KLF12: variants seen among roughly 807,000 people sequenced by gnomAD.
KLF12 encodes Krueppel-like factor 12.
Under a neutral mutation model 37.8 loss-of-function variants are expected in KLF12, and 9 were observed. The observed-to-expected ratio is 0.24, with a 90% CI of 0.14 to 0.42. KLF12 has a LOEUF of 0.42. KLF12 is among the 10% of genes least tolerant of loss of function. The pLI, the probability that KLF12 is intolerant of heterozygous loss-of-function variation, is 1.00. For synonymous variants in KLF12, 208 were observed against 202.1 expected (o/e 1.03, Z -0.25); for missense variants, 411 against 516.0 (o/e 0.80, Z 1.97).
intron 4 of KLF12, among the ~76,000 whole-genome samples, chr13:73,840,515 T>C (rs905748865): frequency 1.8e-4 from 27 of 152,126 alleles, no homozygotes; most frequent in African/African-American, 6.3e-4. Context: ...TCAACCCCAC[T>C]GTGCTCATCT....
chr13:73,805,092 C>T (rs1456692327), intron 5 of KLF12, among the ~76,000 whole-genome samples: 1 of 152,156 alleles, frequency 6.6e-6, no homozygotes, highest in Non-Finnish European at 1.5e-5. Flanking sequence ...AATAAGTTGA[C>T]TCAGTGCCCT....
At chr13:74,233,818 A>G in the KLF12 span, among the ~76,000 whole-genome samples, 1 of 152,224 alleles carries the variant, frequency 6.6e-6, no homozygotes, top group Non-Finnish European at 1.5e-5. Flanking sequence ...AATAAATAAC[A>G]TGGTAATATT....
At chr13:73,760,393 T>C (rs1305530224) in intron 6 of KLF12, among the ~76,000 whole-genome samples, 1 of 152,130 alleles carries the variant, frequency 6.6e-6, no homozygotes, top group African/African-American at 2.4e-5. Context: ...CAATCATACC[T>C]CACTGTAGCC....
intron 6 of KLF12, among the ~76,000 whole-genome samples, chr13:73,718,712 G>T (rs1201815009): frequency 1.3e-5 from 2 of 152,180 alleles, no homozygotes; most frequent in African/African-American, 2.4e-5. Flanking sequence ...GGGCAACATG[G>T]TGAAACCCTG....
the KLF12 span, among the ~76,000 whole-genome samples, chr13:74,268,816 G>T: frequency 7.2e-5 from 11 of 152,326 alleles, no homozygotes; most frequent in East Asian, 1.3e-3. Context: ...ACCAGGCATT[G>T]TAACAAGTGT....
At chr13:73,860,136 C>CAG (rs988376331) in intron 3 of KLF12, among the ~76,000 whole-genome samples, 1 of 152,098 alleles carries the variant, frequency 6.6e-6, no homozygotes, top group African/African-American at 2.4e-5. Flanking sequence ...TGTCTCTCTT[C>CAG]AGTTTCTGAT....
At chr13:73,777,570 C>T (rs143366236) in intron 5 of KLF12, among the ~76,000 whole-genome samples, 12 of 151,956 alleles carry the variant, frequency 7.9e-5, no homozygotes, top group African/African-American at 1.4e-4. Flanking sequence ...TAGCCGGGCG[C>T]GGTGGCACAT....
intron 1 of KLF12, among the ~76,000 whole-genome samples, chr13:74,001,926 T>C (rs1277282683): frequency 1.3e-5 from 2 of 152,368 alleles, no homozygotes; most frequent in East Asian, 3.9e-4. Flanking sequence ...TAGGAAACTT[T>C]ATGTTCAATC....
chr13:74,070,666 G>C (rs1874180524), intron 1 of KLF12, among the ~76,000 whole-genome samples: 1 of 152,144 alleles, frequency 6.6e-6, no homozygotes, highest in African/African-American at 2.4e-5. Context: ...TTGACTTACA[G>C]AGATCTACTG....
intron 1 of KLF12, among the ~76,000 whole-genome samples, chr13:74,127,967 TC>T (rs1243182373): frequency 1.3e-5 from 2 of 152,186 alleles, no homozygotes; most frequent in South Asian, 2.1e-4. Context: ...TTAAGGGCAT[TC>T]TTTTTAATGA....
intron 2 of KLF12, among the ~76,000 whole-genome samples, chr13:73,970,799 C>T (rs1891312204): frequency 6.6e-6 from 1 of 152,104 alleles, no homozygotes; most frequent in Non-Finnish European, 1.5e-5. Flanking sequence ...TCAATGTACC[C>T]AAATAAATCG....
chr13:73,759,229 T>C (rs115522059), intron 6 of KLF12, among the ~76,000 whole-genome samples: 2,120 of 152,242 alleles, frequency 0.014, 41 homozygotes, highest in African/African-American at 0.047. Context: ...TGTGACTTAT[T>C]TGCCAACACG....
chr13:74,066,767 T>C (rs979180329), intron 1 of KLF12, among the ~76,000 whole-genome samples: 26 of 152,344 alleles, frequency 1.7e-4, no homozygotes, highest in African/African-American at 6.0e-4. Flanking sequence ...CAAAGATAGC[T>C]GTCTTTGATA....
the KLF12 span, among the ~76,000 whole-genome samples, chr13:74,275,817 T>TCTTTC: frequency 7.8e-4 from 83 of 106,748 alleles, no homozygotes; most frequent in Admixed American, 2.5e-3. Flanking sequence ...CTTCTTTCTT[T>TCTTTC]CTTTCTTTCT....
chr13:73,722,806 C>A (rs972496058), intron 6 of KLF12, among the ~76,000 whole-genome samples: 3 of 152,168 alleles, frequency 2.0e-5, no homozygotes, highest in Non-Finnish European at 4.4e-5. Context: ...CAGAATGCGT[C>A]TAAAATGCAT....
intron 1 of KLF12, among the ~76,000 whole-genome samples, chr13:74,057,230 A>G (rs917082469): frequency 6.6e-6 from 1 of 152,256 alleles, no homozygotes; most frequent in African/African-American, 2.4e-5. Flanking sequence ...TTTTAAAAAA[A>G]CAGAAAGGCA....
intron 3 of KLF12, among the ~76,000 whole-genome samples, chr13:73,877,011 T>C (rs1222926976): frequency 4.0e-5 from 6 of 148,208 alleles, no homozygotes; most frequent in Admixed American, 2.7e-4. Flanking sequence ...AGACTCCGTC[T>C]CAAAAAAAAA....
chr13:74,021,498 G>T (rs1892840623), intron 1 of KLF12, among the ~76,000 whole-genome samples: 1 of 152,088 alleles, frequency 6.6e-6, no homozygotes, highest in African/African-American at 2.4e-5. Flanking sequence ...GGGGGAACAG[G>T]GAAAAGTTTG....
chr13:73,686,579 C>T lies in KLF12; in HGVS notation c.*8911G>A, dbSNP rs978884029. On this transcript the variant is annotated 3_prime_UTR_variant, in exon 8 of 8. Coordinates refer to ENST00000377669, the MANE Select transcript of KLF12 (RefSeq NM_007249.5). ...ATTCATTTGCAATTAAAATCCTGAA[C>T]AGAAAACCAAATGAAGATTTAAGAA... 6.6e-6 allele frequency: 1 copy of T among 152,586 alleles called. No individual in the cohort carries two copies. Among genetic ancestry groups the T allele is most frequent in the African/African-American group, 2.4e-5 (1 of 41,438 alleles). 9.5% of individuals were successfully genotyped at this position (152,586 alleles called of 1,614,324 possible).
Sources: gnomAD v4.1 joint callset for allele counts (sites outside exome capture counted in the v4.1 genomes callset) on GRCh38, gnomAD v4.1.1 for gene constraint, MANE v1.5 for transcripts, NCBI Gene and HGNC (gene_info 2026-07-23, HGNC 2026-07-21) for gene names.